Variants in SYDE2 observed in about 807,000 individuals in gnomAD.
SYDE2 encodes synapse defective Rho GTPase homolog 2.
A neutral mutation model predicts 91.5 loss-of-function variants in SYDE2; 76 were observed. That is an observed-to-expected ratio of 0.83 (90% CI 0.69 to 1.01). The LOEUF is 1.01. Among genes scored for constraint, SYDE2 ranks in the 50% least tolerant of loss-of-function variants. The pLI is 0.00. For synonymous variants in SYDE2, 513 were observed against 506.4 expected (o/e 1.01, Z -0.18); for missense variants, 1,364 against 1,367.7 (o/e 1.00, Z 0.04).
chr1:85,171,068 G>GA (rs1168097197), intron 4 of SYDE2, among the ~76,000 whole-genome samples: 1 of 152,172 alleles, frequency 6.6e-6, no homozygotes, highest in Non-Finnish European at 1.5e-5. Flanking sequence ...TTCAAATAGA[G>GA]AACGCAGGAG....
downstream of SYDE2, chr1:85,153,838 G>A (rs1408685686): frequency 2.0e-5 from 3 of 151,500 alleles, no homozygotes; most frequent in Non-Finnish European, 1.5e-5. Flanking sequence ...ACATATAAAG[G>A]GCACAAATCT....
chr1:85,167,570 C>G (rs573090499), intron 5 of SYDE2, among the ~76,000 whole-genome samples: 28 of 152,170 alleles, frequency 1.8e-4, no homozygotes, highest in Non-Finnish European at 3.2e-4. Context: ...TTTACCTCAG[C>G]CTCCCAAGTA....
chr1:85,169,705 G>A (rs571715547), intron 4 of SYDE2, among the ~76,000 whole-genome samples: 3 of 152,188 alleles, frequency 2.0e-5, no homozygotes, highest in African/African-American at 4.8e-5. Context: ...TTTAACACTG[G>A]AGAAATGTCT....
chr1:85,156,872 A>T (rs1455276772), downstream of SYDE2: 1 of 152,122 alleles, frequency 6.6e-6, no homozygotes, highest in Non-Finnish European at 1.5e-5. Context: ...CACGAAGATT[A>T]TAATATTTTA....
chr1:85,195,759 C>G (rs17123230), intron 1 of SYDE2, among the ~76,000 whole-genome samples: 1,951 of 152,290 alleles, frequency 0.013, 38 homozygotes, highest in African/African-American at 0.045. Context: ...GGCAGTACTC[C>G]TCAACTTCGA....
chr1:85,160,813 TGCC>T, intron 6 of SYDE2: 1 of 985,472 alleles, frequency 1.0e-6, no homozygotes, highest in Non-Finnish European at 1.2e-6. Flanking sequence ...TGTCCTATTG[TGCC>T]TGCATTTTCA....
rs981586483 is a variant in SYDE2 at position 85,200,822 on chromosome 1, C to A, written c.175G>T (p.Val59Leu). 1.4e-6 allele frequency: 2 copies of A among 1,418,646 alleles called. No homozygotes were observed. The highest frequency in any genetic ancestry group is 3.0e-5 in the African/African-American group (2 of 66,352). The allele number at this position is 1,418,646 out of a possible 1,614,324, so 87.9% of individuals were successfully genotyped here. Residue 59 changes from valine to leucine, a missense_variant, in exon 1 of 7, where the codon GTG becomes TTG. Val to Leu is a conservative substitution (Grantham distance 32). Coordinates refer to ENST00000341460, the MANE Select transcript of SYDE2 (RefSeq NM_032184.2). ...CTCTGAGGCGACCGGGGCGGGGACA[C>A]CTGCTGCCGAGGGCGTCCGCCGCCT... ...RGGGGRPRQQ[V>L]SPPRSPQREP...
At chr1:85,162,674 A>G (rs1657106470) in intron 6 of SYDE2, among the ~76,000 whole-genome samples, 1 of 152,222 alleles carries the variant, frequency 6.6e-6, no homozygotes. Flanking sequence ...CTATAACACA[A>G]GATATACATT....
intron 4 of SYDE2, 23 bp from the exon 5 acceptor site, chr1:85,169,248 A>G (rs975435034): frequency 1.3e-6 from 2 of 1,589,636 alleles, no homozygotes; most frequent in Non-Finnish European, 1.7e-6. Context: ...AACCGCAGAC[A>G]GTTGGTGATT....
chr1:85,190,687 T>C lies in SYDE2; in HGVS notation c.811A>G (p.Ile271Val). Residue 271 changes from isoleucine (I) to valine (V), a missense_variant, in exon 2 of 7, where the codon ATT (isoleucine) becomes GTT (valine). Transcript: ENST00000341460. Reference sequence around the variant, plus strand: ...AGTGGCTTATGACCTCTGAATTCAATATTATCCTTCAGCTCTTCAAGTTCT... The same window carrying C: ...AGTGGCTTATGACCTCTGAATTCAACATTATCCTTCAGCTCTTCAAGTTCT... The part of the protein sequence containing the change: ...GRELEELKDN[I>V]EFRGHKPLNS... 2 of 1,613,844 alleles carry C rather than the reference T, an allele frequency of 1.2e-6. No individual in the cohort carries two copies. Among genetic ancestry groups the C allele is most frequent in the East Asian group, 4.5e-5 (2 of 44,868 alleles).
chr1:85,164,367 T>G (rs2100647278), intron 6 of SYDE2, among the ~76,000 whole-genome samples, 159 bp downstream of exon 6: 1 of 152,264 alleles, frequency 6.6e-6, no homozygotes, highest in Non-Finnish European at 1.5e-5. Context: ...CAGAAAACAT[T>G]TAAATGAAAA....
At chr1:85,155,988 G>A (rs1656872853), downstream of SYDE2, among the ~76,000 whole-genome samples, 1 of 151,982 alleles carries the variant, frequency 6.6e-6, no homozygotes, top group South Asian at 2.1e-4. Context: ...ATTAACTACA[G>A]TTATAAAGGA....
chr1:85,178,168 G>T lies in SYDE2; in HGVS notation c.2649C>A (p.Tyr883Ter). 1 of 1,579,410 alleles carries T rather than the reference G, an allele frequency of 6.3e-7. No homozygotes were observed. The highest frequency in any genetic ancestry group is 2.3e-5 in the East Asian group (1 of 43,394). The change falls in exon 4 of 7, where the codon TAC (tyrosine) becomes TAA (stop). Residue 883 changes from tyrosine to a stop codon, truncating the protein, a stop_gained. Transcript: ENST00000341460. LOFTEE classifies it high-confidence loss of function. Reference sequence around the variant, plus strand: ...TACCTGTTATTACATTTATATCTGGGTACTGGTTTTCACACAGACCAACAG... The same window carrying T: ...TACCTGTTATTACATTTATATCTGGTTACTGGTTTTCACACAGACCAACAG... ...SKAVGLCENQ[Y>*]PDINVITGVL...
chr1:85,160,931 T>C, intron 6 of SYDE2: 1 of 983,470 alleles, frequency 1.0e-6, no homozygotes, highest in Non-Finnish European at 1.2e-6. Context: ...TTGGAAAATA[T>C]TAAGAAACCA....
intron 2 of SYDE2, among the ~76,000 whole-genome samples, chr1:85,184,572 C>T (rs1254478841): frequency 6.6e-6 from 1 of 152,084 alleles, no homozygotes; most frequent in East Asian, 1.9e-4. Context: ...ATAAAGTCCA[C>T]TATGATTACA....
At chr1:85,199,776 C>CA (rs11395584) in intron 1 of SYDE2, among the ~76,000 whole-genome samples, 26,119 of 136,108 alleles carry the variant, frequency 0.19, 4,102 homozygotes, top group African/African-American at 0.44. Context: ...CTGGGAGAGG[C>CA]AAAAAAAAAA....
In SYDE2 at chr1:85,190,272, C is replaced by A; in HGVS notation, c.1226G>T (p.Gly409Val). 6.2e-7 allele frequency: 1 copy of A among 1,613,910 alleles called. No homozygotes were observed. The highest frequency in any genetic ancestry group is 1.1e-5 in the South Asian group (1 of 91,074). The change falls in exon 2 of 7, where the codon GGC becomes GTC. Residue 409 changes from glycine (G) to valine (V), a missense_variant. Physicochemically the swap from Gly to Val is moderately radical, Grantham distance 109. Transcript: ENST00000341460. ...CCGCTCTGCTTTCATCAGGTCACTG[C>A]CAGACAACATGCTCAAATTGACAGC... The part of the protein sequence containing the change: ...LPAVNLSMLS[G>V]SDLMKAERHT...
intron 6 of SYDE2, 78 bp downstream of exon 6, chr1:85,164,448 A>G (rs1657191040): frequency 9.5e-7 from 1 of 1,049,312 alleles, no homozygotes; most frequent in Non-Finnish European, 1.3e-6. Flanking sequence ...CTTCAATCAT[A>G]TATGAGCATA....
At chr1:85,187,827 G>A (rs1200799368) in intron 2 of SYDE2, among the ~76,000 whole-genome samples, 2 of 146,970 alleles carry the variant, frequency 1.4e-5, no homozygotes, top group Non-Finnish European at 3.0e-5. Flanking sequence ...GAGAACACAT[G>A]GACACAGGAA....
Sources: gnomAD v4.1 joint callset for allele counts (sites outside exome capture counted in the v4.1 genomes callset) on GRCh38, gnomAD v4.1.1 for gene constraint, MANE v1.5 for transcripts, NCBI Gene and HGNC (gene_info 2026-07-23, HGNC 2026-07-21) for gene names.